BAZ2B: variants seen among roughly 807,000 people sequenced by gnomAD.
BAZ2B encodes the protein bromodomain adjacent to zinc finger domain 2B.
In BAZ2B, 91 loss-of-function variants were observed where a neutral mutation model predicts 246.0. The observed-to-expected ratio is 0.37, with a 90% CI of 0.31 to 0.44. The LOEUF is 0.44. Ranked by LOEUF, BAZ2B falls within the 20% of genes least tolerant of loss-of-function variation. The pLI, the probability that BAZ2B is intolerant of heterozygous loss-of-function variation, is 1.00. For missense variants in BAZ2B, 2,332 were observed against 2,533.7 expected, an observed-to-expected ratio of 0.92 and a Z score of 1.71; for synonymous variants, 855 against 860.0, an observed-to-expected ratio of 0.99 and a Z score of 0.10.
intron 2 of BAZ2B, among the ~76,000 whole-genome samples, chr2:159,538,682 A>G (rs1463789078): frequency 6.6e-6 from 1 of 152,232 alleles, no homozygotes; most frequent in Non-Finnish European, 1.5e-5. Flanking sequence ...GGACATTATC[A>G]CATGATCAGA....
chr2:159,339,306 G>A (rs964524754), intron 31 of BAZ2B, among the ~76,000 whole-genome samples: 2 of 152,064 alleles, frequency 1.3e-5, no homozygotes, highest in South Asian at 4.2e-4. Flanking sequence ...ATGAGGATGA[G>A]ATAGTTCCTG....
chr2:159,374,753 C>G lies in BAZ2B; in HGVS notation c.4006G>C (p.Asp1336His). The change falls in exon 26 of 37, where the codon GAT (aspartate) becomes CAT (histidine). Residue 1336 changes from aspartate (D) to histidine (H), a missense_variant and splice_region_variant. Asp to His is a moderately conservative substitution (Grantham distance 81). Coordinates refer to ENST00000392783, the MANE Select transcript of BAZ2B (RefSeq NM_013450.4). ...ACACTTGCTGCTTGGTCACCTTCATCCTATACATAAGAAAATACAGTGTCA... is the reference window on the plus strand; with the variant it reads ...ACACTTGCTGCTTGGTCACCTTCATGCTATACATAAGAAAATACAGTGTCA... ...GKKTDICEDE[D>H]EGDQAASVEE... The G allele has an allele frequency of 6.2e-7, 1 of 1,610,782 alleles. No homozygotes were observed. The highest frequency in any genetic ancestry group is 8.5e-7 in the Non-Finnish European group (1 of 1,177,634).
At chr2:159,412,028 C>T (rs1263805558) in intron 14 of BAZ2B, 10 of 942,740 alleles carry the variant, frequency 1.1e-5, no homozygotes, top group East Asian at 1.2e-4. Flanking sequence ...AAGGTTGGCA[C>T]GACCTTAAGG....
the BAZ2B span, chr2:159,710,854 T>A: frequency 6.6e-6 from 1 of 152,200 alleles, no homozygotes; most frequent in Admixed American, 6.5e-5. Context: ...AAGGGTGCAG[T>A]CATTTCTCTT....
Position 159,347,699 on chromosome 2 carries a change from C to T in BAZ2B, c.5294-53G>A, listed in dbSNP as rs2068126863. 5 of 1,416,550 alleles carry T rather than the reference C, an allele frequency of 3.5e-6. No individual in the cohort carries two copies. In the Admixed American group the frequency reaches 6.5e-5, roughly 18 times the overall value. The allele number at this position is 1,416,550 out of a possible 1,614,324, so 87.7% of individuals were successfully genotyped here. On this transcript the variant is annotated intron_variant, in intron 30 of 36. Transcript: ENST00000392783. ...AATCCACTTATTAAGCTTTTCCCCA[C>T]AGAGACCTCTTCCAGAAAGTGAATA...
intron 2 of BAZ2B, among the ~76,000 whole-genome samples, chr2:159,544,304 T>C (rs2087030573): frequency 6.6e-6 from 1 of 152,232 alleles, no homozygotes; most frequent in Non-Finnish European, 1.5e-5. Flanking sequence ...GTCAAAAGTT[T>C]AGATTAGTAC....
the BAZ2B span, among the ~76,000 whole-genome samples, chr2:159,677,485 T>C: frequency 6.6e-6 from 1 of 152,158 alleles, no homozygotes; most frequent in Admixed American, 6.5e-5. Context: ...AAGTTATCAT[T>C]CACTATTTTT....
the BAZ2B span, among the ~76,000 whole-genome samples, chr2:159,704,773 C>A: frequency 2.6e-5 from 4 of 151,936 alleles, no homozygotes; most frequent in African/African-American, 9.7e-5. Context: ...TGAGCCACCG[C>A]ATTTGGGTTT....
At chr2:159,681,216 T>C in the BAZ2B span, among the ~76,000 whole-genome samples, 1 of 152,088 alleles carries the variant, frequency 6.6e-6, no homozygotes, top group African/African-American at 2.4e-5. Flanking sequence ...AGAGAAAATC[T>C]TATGGCAAAA....
In BAZ2B at chr2:159,339,709, T is replaced by C. The variant is rs188480476; in HGVS notation, c.5455-1937A>G. Among the ~76,000 whole-genome samples, 4 of 152,324 alleles carry C rather than the reference T, an allele frequency of 2.6e-5. 1 individual carries two copies. The highest frequency in any genetic ancestry group is 2.6e-4 in the Admixed American group (4 of 15,288). Reference sequence around the variant, plus strand: ...ATGAATGGATAAAGAAAATGCAGTATATTTATAGGATGGAATATTATTCAG... The same window carrying C: ...ATGAATGGATAAAGAAAATGCAGTACATTTATAGGATGGAATATTATTCAG... On this transcript the variant is annotated intron_variant, in intron 31 of 36. Coordinates refer to ENST00000392783, the MANE Select transcript of BAZ2B (RefSeq NM_013450.4).
rs1446585573 is a variant in BAZ2B, at chr2:159,389,446, T to C, written c.3115A>G (p.Arg1039Gly). The C allele has an allele frequency of 1.2e-6, 2 of 1,609,666 alleles. No individual in the cohort carries two copies. Among genetic ancestry groups the C allele is most frequent in the Non-Finnish European group, 1.7e-6 (2 of 1,178,410 alleles). The change falls in exon 21 of 37, where the codon AGA becomes GGA. Residue 1039 changes from arginine to glycine, a missense_variant. Around this residue, in one of 9 missense-constraint regions of BAZ2B, gnomAD observed 328 missense variants for 410.4 expected, o/e 0.80. Coordinates refer to ENST00000392783, the MANE Select transcript of BAZ2B (RefSeq NM_013450.4). ...TCTAGTTTACGCTCTTTATTTAATCTTTTCTCATCACGTTTTTCTTGTTTC... is the reference window on the plus strand; with the variant it reads ...TCTAGTTTACGCTCTTTATTTAATCCTTTCTCATCACGTTTTTCTTGTTTC... ...RLKQEKRDEK[R>G]LNKERKLEQR...
chr2:159,573,362 C>T (rs1228644862), intron 1 of BAZ2B, among the ~76,000 whole-genome samples: 2 of 152,148 alleles, frequency 1.3e-5, no homozygotes, highest in African/African-American at 2.4e-5. Context: ...CCCTTGCTTA[C>T]ATGTACAGTC....
chr2:159,351,052 TATAATA>T (rs779603169), intron 27 of BAZ2B, among the ~76,000 whole-genome samples: 22 of 151,800 alleles, frequency 1.4e-4, no homozygotes, highest in African/African-American at 5.1e-4. Flanking sequence ...AAACTTAAAG[TATAATA>T]ATAATAATAA....
At chr2:159,473,914 T>C (rs1488436480) in intron 3 of BAZ2B, among the ~76,000 whole-genome samples, 1 of 152,236 alleles carries the variant, frequency 6.6e-6, no homozygotes, top group East Asian at 1.9e-4. Context: ...GATTGCACTG[T>C]GGTCTGAGAG....
intron 2 of BAZ2B, among the ~76,000 whole-genome samples, chr2:159,545,865 C>T (rs1167227753): frequency 6.6e-6 from 1 of 152,168 alleles, no homozygotes; most frequent in African/African-American, 2.4e-5. Context: ...AAACACCCTC[C>T]ACCGACTGAC....
chr2:159,373,692 C>T (rs2061095310), intron 26 of BAZ2B, among the ~76,000 whole-genome samples: 1 of 152,030 alleles, frequency 6.6e-6, no homozygotes, highest in Admixed American at 6.6e-5. Context: ...ATCAGCTGGG[C>T]ACGGTGGCAC....
chr2:159,419,029 C>T (rs1559345613), intron 13 of BAZ2B, among the ~76,000 whole-genome samples: 2 of 152,190 alleles, frequency 1.3e-5, no homozygotes, highest in Non-Finnish European at 1.5e-5. Flanking sequence ...AAATTGATTT[C>T]TGGTTAAATA....
the BAZ2B span, among the ~76,000 whole-genome samples, chr2:159,685,543 G>A: frequency 1.3e-5 from 2 of 152,076 alleles, no homozygotes; most frequent in East Asian, 3.9e-4. Context: ...CTGGATGAGA[G>A]AAAATAGAAG....
At chr2:159,679,767 T>C in the BAZ2B span, among the ~76,000 whole-genome samples, 1 of 152,228 alleles carries the variant, frequency 6.6e-6, no homozygotes, top group African/African-American at 2.4e-5. Context: ...CATGAGGATA[T>C]GTAATAATTT....
Sources: gnomAD v4.1 joint callset for allele counts (sites outside exome capture counted in the v4.1 genomes callset) on GRCh38, gnomAD v4.1.1 for gene constraint, gnomAD v4.1.1 regional missense constraint, MANE v1.5 for transcripts, NCBI Gene and HGNC (gene_info 2026-07-23, HGNC 2026-07-21) for gene names.